Variants in CEP128 observed in about 807,000 individuals in gnomAD.
The protein encoded by CEP128 is centrosomal protein 128, also known as centrosomal protein 128kDa.
In CEP128, 132 loss-of-function variants were observed where a neutral mutation model predicts 156.7. The ratio of observed to expected loss-of-function variants is 0.84; its 90% CI spans 0.73 to 0.97. The LOEUF is 0.97. Ranked by LOEUF, CEP128 falls within the 50% of genes least tolerant of loss-of-function variation. The pLI, the probability that CEP128 is intolerant of heterozygous loss-of-function variation, is 0.00. For synonymous variants in CEP128, 469 were observed against 448.9 expected, an observed-to-expected ratio of 1.04 and a Z score of -0.57; for missense variants, 1,252 against 1,281.9, an observed-to-expected ratio of 0.98 and a Z score of 0.36.
chr14:80,746,900 C>T (rs1039997326), intron 18 of CEP128, among the ~76,000 whole-genome samples: 1 of 152,112 alleles, frequency 6.6e-6, no homozygotes, highest in Non-Finnish European at 1.5e-5. Flanking sequence ...ACAAATGATG[C>T]CATTTTTAAA....
Position 80,654,541 on chromosome 14 carries a change from A to G in CEP128, c.2807-74118T>C, listed in dbSNP as rs114539609. Among the ~76,000 whole-genome samples, 368 of 152,254 alleles carry G rather than the reference A, an allele frequency of 2.4e-3. 2 individuals are homozygous for G. Among genetic ancestry groups the G allele is most frequent in the African/African-American group, 8.5e-3 (353 of 41,564 alleles). ...TCTCATCAATCTTGAAAGAGTAAGT[A>G]GCGCTTGATGGTCCTACTTCCTTCA... On this transcript the variant is annotated intron_variant, in intron 19 of 24. Transcript: ENST00000555265.
chr14:80,784,853 A>G (rs1901310578), intron 15 of CEP128, 42 bp downstream of exon 15: 1 of 1,503,268 alleles, frequency 6.7e-7, no homozygotes, highest in Non-Finnish European at 9.0e-7. Context: ...GAGCCACCAG[A>G]AAAATTCCTT....
intron 19 of CEP128, among the ~76,000 whole-genome samples, chr14:80,590,727 T>C (rs1374245939): frequency 6.6e-6 from 1 of 152,064 alleles, no homozygotes; most frequent in East Asian, 1.9e-4. Flanking sequence ...CTATGTTTGA[T>C]GGTTGAAGCA....
At chr14:80,583,976 T>G (rs1330269387) in intron 19 of CEP128, among the ~76,000 whole-genome samples, 5 of 152,154 alleles carry the variant, frequency 3.3e-5, no homozygotes, top group African/African-American at 1.2e-4. Context: ...AAGCCACTTC[T>G]ACAGCTTTGC....
At chr14:80,570,448 T>A (rs1177998409) in intron 20 of CEP128, among the ~76,000 whole-genome samples, 1 of 152,106 alleles carries the variant, frequency 6.6e-6, no homozygotes, top group African/African-American at 2.4e-5. Flanking sequence ...TCATGAAAAC[T>A]TCCAGTAGGA....
chr14:80,641,090 T>C (rs920569179), intron 19 of CEP128, among the ~76,000 whole-genome samples: 2 of 152,216 alleles, frequency 1.3e-5, no homozygotes, highest in African/African-American at 4.8e-5. Context: ...TTCTCTTTTT[T>C]GTAGACCCTC....
intron 6 of CEP128, among the ~76,000 whole-genome samples, chr14:80,901,226 G>C (rs1007998755): frequency 1.1e-4 from 16 of 151,798 alleles, no homozygotes; most frequent in African/African-American, 3.4e-4. Flanking sequence ...ATAAATAAAA[G>C]AGGCTTGGGG....
At chr14:80,912,649 G>A (rs1024136261) in intron 4 of CEP128, among the ~76,000 whole-genome samples, 2 of 152,114 alleles carry the variant, frequency 1.3e-5, no homozygotes, top group African/African-American at 2.4e-5. Flanking sequence ...ATACAAGGAT[G>A]TCCAAACTCA....
At chr14:80,775,335 C>A (rs371794788) in intron 16 of CEP128, among the ~76,000 whole-genome samples, 9 of 152,116 alleles carry the variant, frequency 5.9e-5, no homozygotes, top group African/African-American at 1.7e-4. Context: ...TTGGCTCAAT[C>A]CAACAAAATT....
chr14:80,924,466 A>G (rs542271528), intron 2 of CEP128, among the ~76,000 whole-genome samples: 1 of 152,328 alleles, frequency 6.6e-6, no homozygotes, highest in Non-Finnish European at 1.5e-5. Flanking sequence ...TAAATAAGTC[A>G]TAGTCTTGAT....
intron 8 of CEP128, among the ~76,000 whole-genome samples, chr14:80,865,401 G>T (rs967471932): frequency 6.6e-6 from 1 of 152,170 alleles, no homozygotes; most frequent in Non-Finnish European, 1.5e-5. Flanking sequence ...TGAACATGGG[G>T]TGTATAGATG....
At chr14:80,879,490 G>A (rs1888429880) in intron 8 of CEP128, among the ~76,000 whole-genome samples, 1 of 151,888 alleles carries the variant, frequency 6.6e-6, no homozygotes. Context: ...TCAGCAAAGA[G>A]ATACATGTTA....
intron 19 of CEP128, among the ~76,000 whole-genome samples, chr14:80,600,627 A>G (rs1473697027): frequency 6.6e-6 from 1 of 152,214 alleles, no homozygotes; most frequent in African/African-American, 2.4e-5. Flanking sequence ...AAATAAATAA[A>G]TAGTATCAGT....
intron 14 of CEP128, among the ~76,000 whole-genome samples, chr14:80,792,454 A>T (rs1901758926): frequency 6.6e-6 from 1 of 152,212 alleles, no homozygotes; most frequent in Non-Finnish European, 1.5e-5. Flanking sequence ...TTTTTTTTCC[A>T]TTGGAATATT....
intron 12 of CEP128, among the ~76,000 whole-genome samples, chr14:80,833,937 T>G (rs369686715): frequency 6.6e-6 from 1 of 152,154 alleles, no homozygotes. Context: ...TGGAGGATGA[T>G]GCCACACACT....
At chr14:80,857,715 C>T (rs1405034496) in intron 9 of CEP128, among the ~76,000 whole-genome samples, 4 of 142,438 alleles carry the variant, frequency 2.8e-5, no homozygotes. Context: ...CACTCCTGGG[C>T]AACAGAGTGA....
In CEP128 at chr14:80,822,723, A is replaced by T. The variant is rs866600928; in HGVS notation, c.1209+8420T>A. 4.7e-6 allele frequency: 4 copies of T among 845,566 alleles called. No individual in the cohort carries two copies. The African/African-American group carries it at 5.0e-5, about 10-fold the overall frequency. The allele number at this position is 845,566 out of a possible 1,614,324, so 52.4% of individuals were successfully genotyped here. ...AAAGCTGATGCTGGCAAGGAGGGGA[A>T]TAGCCCTGTAGAAAATGGAGATGCC... On this transcript the variant is annotated intron_variant, in intron 13 of 24. Transcript: ENST00000555265.
intron 11 of CEP128, among the ~76,000 whole-genome samples, chr14:80,837,237 A>AT (rs1158119943): frequency 1.3e-5 from 2 of 152,264 alleles, no homozygotes; most frequent in Non-Finnish European, 2.9e-5. Flanking sequence ...GGTGTGTTAT[A>AT]TAACATACAC....
At chr14:80,707,440 T>A (rs983257768) in intron 19 of CEP128, among the ~76,000 whole-genome samples, 1 of 152,196 alleles carries the variant, frequency 6.6e-6, no homozygotes, top group Non-Finnish European at 1.5e-5. Flanking sequence ...TTTCCAAGTT[T>A]ACCACGTAAA....
Sources: allele counts gnomAD v4.1 joint callset (sites outside exome capture counted in the v4.1 genomes callset), GRCh38; gene constraint gnomAD v4.1.1; transcripts MANE v1.5; gene names NCBI Gene and HGNC (gene_info 2026-07-23, HGNC 2026-07-21).